E2F3: variants seen among roughly 807,000 people sequenced by gnomAD.
E2F3 encodes the protein E2F transcription factor 3, also known as transcription factor E2F3.
Under a neutral mutation model 44.4 loss-of-function variants are expected in E2F3, and 11 were observed. The observed-to-expected ratio is 0.25, with a 90% CI of 0.16 to 0.41. The LOEUF (loss-of-function observed/expected upper bound fraction) is 0.41. Ranked by LOEUF, E2F3 falls within the 10% of genes least tolerant of loss-of-function variation. The pLI, the probability that E2F3 is intolerant of heterozygous loss-of-function variation, is 1.00. For missense variants in E2F3, 487 were observed against 583.6 expected (o/e 0.83, Z 1.70); for synonymous variants, 249 against 253.0 (o/e 0.98, Z 0.15).
intron 1 of E2F3, among the ~76,000 whole-genome samples, chr6:20,443,712 C>T (rs923066251): frequency 6.6e-6 from 1 of 152,162 alleles, no homozygotes; most frequent in East Asian, 1.9e-4. Flanking sequence ...TATTCCCATT[C>T]TGCCCCCCAA....
intron 1 of E2F3, among the ~76,000 whole-genome samples, chr6:20,433,861 T>C (rs1299305736): frequency 1.3e-5 from 2 of 152,218 alleles, no homozygotes; most frequent in East Asian, 1.9e-4. Flanking sequence ...GGTGGAATTA[T>C]GTGAAAAGAG....
intron 1 of E2F3, among the ~76,000 whole-genome samples, chr6:20,446,360 T>C (rs1015171097): frequency 6.6e-6 from 1 of 152,298 alleles, no homozygotes; most frequent in Admixed American, 6.5e-5. Flanking sequence ...ACATATTACC[T>C]ATAGTTGTTT....
At chr6:20,467,191 G>T (rs1486701365) in intron 1 of E2F3, among the ~76,000 whole-genome samples, 1 of 152,160 alleles carries the variant, frequency 6.6e-6, no homozygotes, top group East Asian at 1.9e-4. Flanking sequence ...TGGCAACAAG[G>T]TTAAATGGGG....
chr6:20,470,761 C>G (rs1344677559), intron 1 of E2F3, among the ~76,000 whole-genome samples: 1 of 152,168 alleles, frequency 6.6e-6, no homozygotes, highest in African/African-American at 2.4e-5. Context: ...ATACAGCAGG[C>G]CATGCCTTGT....
intron 1 of E2F3, among the ~76,000 whole-genome samples, chr6:20,438,660 A>T (rs1461423774): frequency 6.6e-6 from 1 of 152,164 alleles, no homozygotes; most frequent in Non-Finnish European, 1.5e-5. Context: ...CCACCTAAGC[A>T]CAGCTTTGGC....
chr6:20,442,941 G>T (rs1760823122), intron 1 of E2F3, among the ~76,000 whole-genome samples: 1 of 150,362 alleles, frequency 6.7e-6, no homozygotes, highest in Non-Finnish European at 1.5e-5. Flanking sequence ...TTGCACTCCA[G>T]CCTGGGCGAC....
rs192596458 is a variant in E2F3 at position 20,486,724 on chromosome 6, T to G, written c.920T>G (p.Ile307Ser). The change falls in exon 5 of 7, where the codon ATT (isoleucine) becomes AGT (serine). Residue 307 changes from isoleucine to serine, a missense_variant. By Grantham distance (142) the Ile-to-Ser change is moderately radical (BLOSUM62 -2). Coordinates refer to ENST00000346618, the MANE Select transcript of E2F3 (RefSeq NM_001949.5). ...GTTACATATCAAGATATTCGAAAAA[T>G]TAGTGGCCTTAAAGACCAAACTGTT... Reference protein sequence around the residue: ...AYVTYQDIRKISGLKDQTVIV... With the variant: ...AYVTYQDIRKSSGLKDQTVIV... The G allele has an allele frequency of 5.1e-5, 83 of 1,612,344 alleles. No individual in the cohort carries two copies. The African/African-American group carries it at 9.1e-4, about 18-fold the overall frequency.
At chr6:20,413,031 A>G (rs1388564676) in intron 1 of E2F3, among the ~76,000 whole-genome samples, 1 of 151,936 alleles carries the variant, frequency 6.6e-6, no homozygotes, top group Non-Finnish European at 1.5e-5. Context: ...ACAGGGAAGC[A>G]GACAGCCAGG....
chr6:20,406,176 T>C (rs900895969), intron 1 of E2F3, among the ~76,000 whole-genome samples: 3 of 152,222 alleles, frequency 2.0e-5, no homozygotes, highest in African/African-American at 2.4e-5. Context: ...TCACCTTTTT[T>C]TCAATGGGGG....
chr6:20,412,525 G>A (rs1759708691), intron 1 of E2F3, among the ~76,000 whole-genome samples: 1 of 152,110 alleles, frequency 6.6e-6, no homozygotes. Context: ...TCATCAGTAT[G>A]GGGAGATAAC....
rs966296438 is a variant in E2F3, at chr6:20,491,772, C to T, written c.*1342C>T. On this transcript the variant is annotated 3_prime_UTR_variant, in exon 7 of 7. Transcript: ENST00000346618. The stretch of plus-strand genomic sequence containing the variant: ...TTCTGGCCAGACCCCGTTCCCCTTC[C>T]TCTATGAAGGAATAAGTTGGACCAA... 1.2e-4 allele frequency: 21 copies of T among 180,718 alleles called. No homozygotes were observed. The highest frequency in any genetic ancestry group is 2.3e-4 in the Non-Finnish European group (19 of 84,242). 11.2% of individuals were successfully genotyped at this position (180,718 alleles called of 1,614,324 possible).
At chr6:20,450,722 T>C (rs1761101897) in intron 1 of E2F3, among the ~76,000 whole-genome samples, 1 of 152,216 alleles carries the variant, frequency 6.6e-6, no homozygotes, top group Non-Finnish European at 1.5e-5. Context: ...CAGAATGGTA[T>C]TGCCTTGGTT....
intron 1 of E2F3, among the ~76,000 whole-genome samples, chr6:20,421,225 C>A (rs1447387328): frequency 6.6e-6 from 1 of 152,196 alleles, no homozygotes; most frequent in Non-Finnish European, 1.5e-5. Flanking sequence ...TCAACTTCTT[C>A]CGAACTTCTG....
At chr6:20,466,503 T>C (rs931602605) in intron 1 of E2F3, among the ~76,000 whole-genome samples, 1 of 152,212 alleles carries the variant, frequency 6.6e-6, no homozygotes, top group African/African-American at 2.4e-5. Context: ...TGATCATTAG[T>C]GATGCTGAGC....
In E2F3 at chr6:20,481,197, T is replaced by G; in HGVS notation, c.506-9T>G. On this transcript the variant is annotated splice_polypyrimidine_tract_variant and intron_variant, in intron 2 of 6. Coordinates refer to ENST00000346618, the MANE Select transcript of E2F3 (RefSeq NM_001949.5). ...TCCCCCACCCGCTCGGTTTTTGTTT[T>G]TCTTTAAGCTCCAAAATCTCCCTCA... 6.2e-7 allele frequency: 1 copy of G among 1,613,146 alleles called. No individual in the cohort carries two copies. Among genetic ancestry groups the G allele is most frequent in the South Asian group, 1.1e-5 (1 of 91,042 alleles).
intron 1 of E2F3, among the ~76,000 whole-genome samples, chr6:20,462,863 T>C (rs57113712): frequency 0.048 from 198 of 4,148 alleles, no homozygotes; most frequent in African/African-American, 0.081. Context: ...CTCTCTCTTT[T>C]TTTTTTTTTT....
At chr6:20,476,947 C>T (rs943850847) in intron 1 of E2F3, among the ~76,000 whole-genome samples, 4 of 152,132 alleles carry the variant, frequency 2.6e-5, no homozygotes, top group Non-Finnish European at 4.4e-5. Flanking sequence ...CTTAGCACTG[C>T]AGTAGAAAGA....
chr6:20,490,008 C>T lies in E2F3; in HGVS notation c.1136-160C>T, dbSNP rs558367764. On this transcript the variant is annotated intron_variant, in intron 6 of 6. Coordinates refer to ENST00000346618, the MANE Select transcript of E2F3 (RefSeq NM_001949.5). This position sits in a 1 kb window ranked among gnomAD's most constrained non-coding sequence, Gnocchi z 4.3. ...GGGGGTGGCAAGGAACTTTTTTGTA[C>T]CTGTTAGCATAAAAGGTGATCTGCA... 6.6e-6 allele frequency among the ~76,000 whole-genome samples: 1 copy of T among 152,202 alleles called. No homozygotes were observed. Among genetic ancestry groups the T allele is most frequent in the East Asian group, 1.9e-4 (1 of 5,192 alleles).
At chr6:20,467,199 G>C (rs1300601988) in intron 1 of E2F3, among the ~76,000 whole-genome samples, 1 of 152,116 alleles carries the variant, frequency 6.6e-6, no homozygotes, top group Non-Finnish European at 1.5e-5. Flanking sequence ...AGGTTAAATG[G>C]GGCATCCACA....
Sources: gnomAD v4.1 joint callset for allele counts (sites outside exome capture counted in the v4.1 genomes callset) on GRCh38, gnomAD v4.1.1 for gene constraint, Gnocchi (gnomAD v3.1) non-coding constraint, MANE v1.5 for transcripts, NCBI Gene and HGNC (gene_info 2026-07-23, HGNC 2026-07-21) for gene names.